The following ARSG variants were observed in gnomAD, a reference collection of about 807,000 sequenced individuals.
ARSG encodes arylsulfatase G.
A neutral mutation model predicts 50.5 loss-of-function variants in ARSG; 37 were observed. The ratio of observed to expected loss-of-function variants is 0.73; its 90% CI spans 0.56 to 0.96. The LOEUF is 0.96. Ranked by LOEUF, ARSG falls within the 50% of genes least tolerant of loss-of-function variation. The probability of loss-of-function intolerance (pLI) is 0.00; values close to 1 mark genes in which losing one functional copy is unlikely to be tolerated. For synonymous variants in ARSG, 225 were observed against 254.6 expected, an observed-to-expected ratio of 0.88 and a Z score of 1.11; for missense variants, 629 against 675.3, an observed-to-expected ratio of 0.93 and a Z score of 0.76.
At chr17:68,420,072 G>T in intron 11 of ARSG, 117 bp from the exon 12 acceptor site, 2 of 1,192,772 alleles carry the variant, frequency 1.7e-6, no homozygotes, top group Non-Finnish European at 1.2e-6. Flanking sequence ...AGCCATCATT[G>T]GAACATTTGG....
intron 8 of ARSG, among the ~76,000 whole-genome samples, chr17:68,382,876 A>G (rs780343995): frequency 1.3e-5 from 2 of 152,354 alleles, no homozygotes; most frequent in South Asian, 2.1e-4. Context: ...TGTTAGAGCC[A>G]GAACCCAGGA....
At chr17:68,349,902 C>T (rs2078681849) in intron 4 of ARSG, among the ~76,000 whole-genome samples, 1 of 152,118 alleles carries the variant, frequency 6.6e-6, no homozygotes, top group African/African-American at 2.4e-5. Context: ...AAAAATACGA[C>T]AAGCATCTAC....
At chr17:68,375,608 C>T (rs1360599187) in intron 8 of ARSG, among the ~76,000 whole-genome samples, 1 of 152,146 alleles carries the variant, frequency 6.6e-6, no homozygotes, top group Non-Finnish European at 1.5e-5. Context: ...GCCACACTTC[C>T]AGGGCTCAGT....
chr17:68,359,284 A>G (rs1258374875), intron 6 of ARSG, among the ~76,000 whole-genome samples: 1 of 152,216 alleles, frequency 6.6e-6, no homozygotes, highest in African/African-American at 2.4e-5. Flanking sequence ...TGTCAGGGCA[A>G]AGAATGGACA....
At chr17:68,311,206 C>T (rs1599667309) in intron 2 of ARSG, among the ~76,000 whole-genome samples, 1 of 152,308 alleles carries the variant, frequency 6.6e-6, no homozygotes, top group South Asian at 2.1e-4. Context: ...CTTCTCCACT[C>T]TTCTCTCTTG....
chr17:68,425,894 A>T, downstream of ARSG: 6 of 593,114 alleles, frequency 1.0e-5, no homozygotes, highest in Non-Finnish European at 1.8e-5. Flanking sequence ...CCTAAAGCCT[A>T]CTCTGTAGGA....
intron 9 of ARSG, among the ~76,000 whole-genome samples, chr17:68,390,342 G>A (rs565001273): frequency 6.6e-6 from 1 of 152,156 alleles, no homozygotes; most frequent in Admixed American, 6.5e-5. Flanking sequence ...CCCTTCCTAC[G>A]AACAACCTTC....
chr17:68,362,476 C>T (rs2079338046), intron 6 of ARSG, among the ~76,000 whole-genome samples: 1 of 152,168 alleles, frequency 6.6e-6, no homozygotes, highest in South Asian at 2.1e-4. Context: ...CCAGGTCCCA[C>T]TGTCTCAGGG....
chr17:68,387,210 C>T (rs974859776), intron 9 of ARSG, among the ~76,000 whole-genome samples: 1 of 151,958 alleles, frequency 6.6e-6, no homozygotes, highest in Non-Finnish European at 1.5e-5. Flanking sequence ...CTCACTGCAG[C>T]CTTGAACTCC....
chr17:68,413,191 G>A (rs1409216705), intron 11 of ARSG, among the ~76,000 whole-genome samples: 4 of 152,142 alleles, frequency 2.6e-5, no homozygotes, highest in Non-Finnish European at 4.4e-5. Flanking sequence ...GAGGAGGAGA[G>A]GCGCTCTGCT....
At chr17:68,334,748 G>A (rs1004941947) in intron 2 of ARSG, among the ~76,000 whole-genome samples, 6 of 152,064 alleles carry the variant, frequency 3.9e-5, no homozygotes, top group African/African-American at 1.4e-4. Flanking sequence ...ACCTACAGAC[G>A]GCCTCTGCAA....
At chr17:68,272,684 C>G in intron 1 of ARSG, 1 of 1,614,158 alleles carries the variant, frequency 6.2e-7, no homozygotes, top group Non-Finnish European at 8.5e-7. Flanking sequence ...GTGGAAGCAA[C>G]TGCAGTGACT....
chr17:68,360,118 A>G (rs993935596), intron 6 of ARSG, among the ~76,000 whole-genome samples: 3 of 152,202 alleles, frequency 2.0e-5, no homozygotes, highest in African/African-American at 4.8e-5. Flanking sequence ...TCCACCCGTT[A>G]ATTAATCCAT....
intron 10 of ARSG, among the ~76,000 whole-genome samples, chr17:68,396,402 C>T (rs1169444834): frequency 6.6e-6 from 1 of 152,204 alleles, no homozygotes; most frequent in African/African-American, 2.4e-5. Context: ...CCCCTGTTTG[C>T]ACTCTGAAGC....
rs782052199 is a variant in ARSG at position 68,269,116 on chromosome 17, C to T, written c.-552+9690C>T. 36 of 1,515,658 alleles carry T rather than the reference C, an allele frequency of 2.4e-5. No homozygotes were observed. The highest frequency in any genetic ancestry group is 1.1e-4 in the East Asian group (5 of 43,826). 93.9% of individuals were successfully genotyped at this position (1,515,658 alleles called of 1,614,324 possible). ...GTGTGTCATACCGGCTCCATTTGCA[C>T]GTGAACTCTGTGCTCATTTTTTGCA... On this transcript the variant is annotated intron_variant, in intron 1 of 11. Coordinates refer to the ARSG transcript ENST00000448504.
chr17:68,451,200 G>A, the ARSG span, among the ~76,000 whole-genome samples: 3 of 152,244 alleles, frequency 2.0e-5, no homozygotes, highest in Admixed American at 2.0e-4. Context: ...GGAGGCTGAG[G>A]CAGGAGAATC....
intron 1 of ARSG, among the ~76,000 whole-genome samples, chr17:68,285,957 C>T (rs1390670292): frequency 2.0e-5 from 3 of 152,106 alleles, no homozygotes; most frequent in Non-Finnish European, 2.9e-5. Context: ...GACAGGGTTT[C>T]ACCATGTTGG....
chr17:68,332,945 T>C (rs1025797793), intron 2 of ARSG, among the ~76,000 whole-genome samples: 3 of 152,230 alleles, frequency 2.0e-5, no homozygotes, highest in Non-Finnish European at 4.4e-5. Context: ...CAGAAGCTTA[T>C]GACTTAATGT....
chr17:68,438,826 G>A, the ARSG span, among the ~76,000 whole-genome samples: 4 of 152,100 alleles, frequency 2.6e-5, no homozygotes, highest in Non-Finnish European at 5.9e-5. Flanking sequence ...TCTCGAACTC[G>A]TGACCTCAGG....
Sources: gnomAD v4.1 joint callset for allele counts (sites outside exome capture counted in the v4.1 genomes callset) on GRCh38, gnomAD v4.1.1 for gene constraint, MANE v1.5 for transcripts, NCBI Gene and HGNC (gene_info 2026-07-23, HGNC 2026-07-21) for gene names.